FSHR: variants seen among roughly 807,000 people sequenced by gnomAD.
The protein encoded by FSHR is follicle-stimulating hormone receptor.
A neutral mutation model predicts 52.1 loss-of-function variants in FSHR; 46 were observed. The ratio of observed to expected loss-of-function variants is 0.88; its 90% confidence interval spans 0.70 to 1.13. The LOEUF (loss-of-function observed/expected upper bound fraction) is 1.13, where lower values mean the gene tolerates loss of function less well. Among genes scored for constraint, FSHR ranks in the 50% most tolerant of loss-of-function variants. The pLI is 0.00. For missense variants in FSHR, 964 were observed against 834.6 expected, an observed-to-expected ratio of 1.16 and a Z score of -1.91; for synonymous variants, 399 against 309.6, an observed-to-expected ratio of 1.29 and a Z score of -3.03.
intron 2 of FSHR, among the ~76,000 whole-genome samples, chr2:49,041,090 T>G (rs570419605): frequency 6.6e-6 from 1 of 152,346 alleles, no homozygotes; most frequent in South Asian, 2.1e-4. Context: ...GCAAGACGGC[T>G]ATACACATGC....
chr2:48,984,479 T>TA (rs2104073457), intron 6 of FSHR, among the ~76,000 whole-genome samples: 1 of 152,322 alleles, frequency 6.6e-6, no homozygotes, highest in Non-Finnish European at 1.5e-5. Context: ...GTTTAGGTTT[T>TA]ATGGGCCAAA....
chr2:49,108,875 A>T (rs185057915), intron 1 of FSHR, among the ~76,000 whole-genome samples: 1 of 152,306 alleles, frequency 6.6e-6, no homozygotes, highest in East Asian at 1.9e-4. Context: ...TCCTTTATAT[A>T]TTCATTCTCT....
At chr2:49,100,239 A>G (rs1228026613) in intron 1 of FSHR, among the ~76,000 whole-genome samples, 3 of 152,172 alleles carry the variant, frequency 2.0e-5, no homozygotes, top group East Asian at 3.9e-4. Context: ...TTCTAGGAAC[A>G]TGCTTGCTCT....
chr2:48,978,868 A>G (rs1169598911), intron 8 of FSHR, among the ~76,000 whole-genome samples: 1 of 152,188 alleles, frequency 6.6e-6, no homozygotes, highest in Non-Finnish European at 1.5e-5. Context: ...TGCCTTCAGG[A>G]AAGCAGCTAT....
chr2:49,038,979 T>G (rs906427345), intron 2 of FSHR, among the ~76,000 whole-genome samples: 1 of 152,194 alleles, frequency 6.6e-6, no homozygotes, highest in Non-Finnish European at 1.5e-5. Flanking sequence ...TACGTGTATT[T>G]GAGAACGTGT....
intron 1 of FSHR, among the ~76,000 whole-genome samples, chr2:49,127,545 CA>C (rs35380548): frequency 2.6e-5 from 4 of 151,654 alleles, no homozygotes; most frequent in African/African-American, 4.8e-5. Context: ...CACACACACA[CA>C]CCCCATGTAC....
intron 2 of FSHR, among the ~76,000 whole-genome samples, chr2:49,040,007 G>A (rs1668425271): frequency 6.6e-6 from 1 of 151,828 alleles, no homozygotes; most frequent in Non-Finnish European, 1.5e-5. Context: ...AAAATCTGAA[G>A]CATTTCCAAA....
At chr2:49,151,887 A>C (rs1673076325) in intron 1 of FSHR, among the ~76,000 whole-genome samples, 1 of 152,162 alleles carries the variant, frequency 6.6e-6, no homozygotes, top group African/African-American at 2.4e-5. Flanking sequence ...GTTGTAATTC[A>C]CTTGACATTT....
chr2:49,154,513 T>A lies in FSHR; in HGVS notation c.-96A>T, dbSNP rs991234329. 6 of 1,336,102 alleles carry A rather than the reference T, an allele frequency of 4.5e-6. No individual in the cohort carries two copies. The highest frequency in any genetic ancestry group is 1.4e-5 in the African/African-American group (1 of 69,088). The allele number at this position is 1,336,102 out of a possible 1,614,324, so 82.8% of individuals were successfully genotyped here. On this transcript the variant is annotated 5_prime_UTR_variant, in exon 1 of 10. Transcript: ENST00000406846. ...CACACAGTGCCCTTATGAGAAGAGA[T>A]CTGACTTGAGAACTGGTAGGGTCAT...
intron 1 of FSHR, among the ~76,000 whole-genome samples, chr2:49,069,830 C>T (rs918352013): frequency 4.6e-5 from 7 of 152,130 alleles, no homozygotes; most frequent in African/African-American, 1.4e-4. Context: ...TCATCTTTAA[C>T]ACGTCCTTTT....
chr2:48,963,946 C>G lies in FSHR; in HGVS notation c.875G>C (p.Cys292Ser). The G allele has an allele frequency of 1.2e-6, 2 of 1,613,462 alleles. No homozygotes were observed. The highest frequency in any genetic ancestry group is 1.7e-6 in the Non-Finnish European group (2 of 1,179,958). The change falls in exon 10 of 10, where the codon TGC becomes TCC. Residue 292 changes from cysteine to serine, a missense_variant. Cys to Ser is a moderately radical substitution (Grantham distance 112). Coordinates refer to ENST00000406846, the MANE Select transcript of FSHR (RefSeq NM_000145.4). ...RRQISELHPICNKSILRQEVD... is the reference protein window; with the variant it reads ...RRQISELHPISNKSILRQEVD... The stretch of plus-strand genomic sequence containing the variant: ...TTCTTGCCTTAAAATAGATTTGTTG[C>G]AAATTGGATGAAGCTCAGAGCTAGA...
chr2:49,104,459 T>A (rs901391930), intron 1 of FSHR, among the ~76,000 whole-genome samples: 12 of 152,274 alleles, frequency 7.9e-5, no homozygotes, highest in South Asian at 2.1e-4. Context: ...TCTGTTTCCT[T>A]TCTGTTTTAT....
At chr2:49,123,289 C>T (rs12471547) in intron 1 of FSHR, among the ~76,000 whole-genome samples, 24,839 of 152,064 alleles carry the variant, frequency 0.16, 2,391 homozygotes, top group South Asian at 0.26. Context: ...TTGCTCGAGA[C>T]CAGTCTGGGC....
intron 6 of FSHR, among the ~76,000 whole-genome samples, chr2:48,988,180 G>A (rs1675603798): frequency 6.6e-6 from 1 of 152,076 alleles, no homozygotes; most frequent in South Asian, 2.1e-4. Context: ...TTTATGGACT[G>A]GAACTTATGT....
At chr2:49,046,054 CA>C (rs1668642622) in intron 2 of FSHR, among the ~76,000 whole-genome samples, 1 of 152,168 alleles carries the variant, frequency 6.6e-6, no homozygotes, top group Non-Finnish European at 1.5e-5. Flanking sequence ...ATGTTGATCT[CA>C]GGCCAGTTAC....
chr2:49,078,541 A>T (rs2103648560), intron 1 of FSHR, among the ~76,000 whole-genome samples: 1 of 152,362 alleles, frequency 6.6e-6, no homozygotes, highest in South Asian at 2.1e-4. Flanking sequence ...ATACATTATT[A>T]TCAGCTTGAA....
At chr2:49,110,351 A>T (rs1373314512) in intron 1 of FSHR, among the ~76,000 whole-genome samples, 1 of 152,132 alleles carries the variant, frequency 6.6e-6, no homozygotes, top group African/African-American at 2.4e-5. Flanking sequence ...TCTGGCCCTA[A>T]TGCTGACTCT....
At chr2:49,054,993 G>A (rs1396456792) in intron 2 of FSHR, among the ~76,000 whole-genome samples, 1 of 151,998 alleles carries the variant, frequency 6.6e-6, no homozygotes, top group Non-Finnish European at 1.5e-5. Context: ...AAGGAAACAT[G>A]ACACCTTAAA....
At chr2:49,139,400 G>A (rs899733604) in intron 1 of FSHR, among the ~76,000 whole-genome samples, 1 of 152,094 alleles carries the variant, frequency 6.6e-6, no homozygotes, top group Non-Finnish European at 1.5e-5. Flanking sequence ...CTGCCTCTGA[G>A]AGCCTTTATT....
Sources: allele counts gnomAD v4.1 joint callset (sites outside exome capture counted in the v4.1 genomes callset), GRCh38; gene constraint gnomAD v4.1.1; transcripts MANE v1.5; gene names NCBI Gene and HGNC (gene_info 2026-07-23, HGNC 2026-07-21).